Variants in EFR3A observed in about 807,000 individuals in gnomAD.
EFR3A encodes the protein protein EFR3 homolog A.
Under a neutral mutation model 104.4 loss-of-function variants are expected in EFR3A, and 76 were observed. The ratio of observed to expected loss-of-function variants is 0.73; its 90% CI spans 0.60 to 0.88. The LOEUF is 0.88. Among genes scored for constraint, EFR3A ranks in the 40% least tolerant of loss-of-function variants. The probability of loss-of-function intolerance (pLI) is 0.00; values close to 1 mark genes in which losing one functional copy is unlikely to be tolerated. For synonymous variants in EFR3A, 330 were observed against 330.0 expected (o/e 1.00, Z 0.00); for missense variants, 985 against 1,012.5 (o/e 0.97, Z 0.37).
At chr8:131,936,083 A>C (rs908992391) in intron 1 of EFR3A, among the ~76,000 whole-genome samples, 1 of 152,028 alleles carries the variant, frequency 6.6e-6, no homozygotes, top group Non-Finnish European at 1.5e-5. Context: ...TCCTTCTATG[A>C]ATGCCTCTTT....
intron 1 of EFR3A, among the ~76,000 whole-genome samples, chr8:131,927,894 GAT>G (rs1370937533): frequency 4.6e-5 from 7 of 152,120 alleles, no homozygotes; most frequent in African/African-American, 1.7e-4. Flanking sequence ...TTAAAGAACA[GAT>G]ATAGATGTGA....
intron 1 of EFR3A, among the ~76,000 whole-genome samples, chr8:131,933,576 G>C (rs569975789): frequency 6.6e-6 from 1 of 152,016 alleles, no homozygotes; most frequent in South Asian, 2.1e-4. Context: ...GGATTATTCT[G>C]TATTTTATTG....
chr8:131,950,655 G>T (rs746008354), intron 5 of EFR3A, among the ~76,000 whole-genome samples: 1 of 152,110 alleles, frequency 6.6e-6, no homozygotes, highest in African/African-American at 2.4e-5. Context: ...TTCCAGGAGC[G>T]TGAGGACTTT....
At chr8:131,940,709 A>T (rs375899011) in intron 2 of EFR3A, 134 bp downstream of exon 2, 4 of 1,361,356 alleles carry the variant, frequency 2.9e-6, no homozygotes, top group East Asian at 5.2e-5. Flanking sequence ...CTTTTTTTAT[A>T]CTTTTCTTTT....
At chr8:131,979,168 A>G (rs1820473848) in intron 13 of EFR3A, 149 bp downstream of exon 13, 2 of 1,089,216 alleles carry the variant, frequency 1.8e-6, no homozygotes, top group Admixed American at 3.0e-5. Flanking sequence ...AATTTAATCA[A>G]TATGTTTTAA....
At chr8:131,961,110 G>C (rs186427988) in intron 8 of EFR3A, among the ~76,000 whole-genome samples, 10 of 152,222 alleles carry the variant, frequency 6.6e-5, no homozygotes, top group Admixed American at 5.9e-4. Flanking sequence ...CAAAGATGGG[G>C]AAAAACAGAG....
chr8:131,916,932 A>T (rs1194892674), intron 1 of EFR3A, among the ~76,000 whole-genome samples: 2 of 152,216 alleles, frequency 1.3e-5, no homozygotes, highest in Non-Finnish European at 1.5e-5. Flanking sequence ...TCTGGCCTAA[A>T]CTGTCTTTTC....
intron 19 of EFR3A, among the ~76,000 whole-genome samples, chr8:131,998,736 A>T (rs894394328): frequency 1.3e-5 from 2 of 152,204 alleles, no homozygotes; most frequent in South Asian, 4.1e-4. Context: ...AGTTGATTTT[A>T]TACCTTTTAC....
In EFR3A at chr8:131,984,150, G is replaced by C; in HGVS notation, c.1587G>C (p.Gln529His). Residue 529 changes from glutamine to histidine, a missense_variant, in exon 15 of 23, where the codon CAG (glutamine) becomes CAC (histidine). Physicochemically the swap from Gln to His is conservative, Grantham distance 24 (BLOSUM62 0). Coordinates refer to ENST00000254624, the MANE Select transcript of EFR3A (RefSeq NM_015137.6). ...TCTTTTCTCCTCAGAATGGGCAACA[G>C]CTGTATCGGCACATATATTTGGGTT... The part of the protein sequence containing the change: ...DTSFMKKNGQ[Q>H]LYRHIYLGCK... The C allele has an allele frequency of 6.2e-7, 1 of 1,605,132 alleles. No individual in the cohort carries two copies. Among genetic ancestry groups the C allele is most frequent in the East Asian group, 2.2e-5 (1 of 44,688 alleles).
chr8:131,935,637 CTT>C (rs1412273138), intron 1 of EFR3A: 5 of 239,248 alleles, frequency 2.1e-5, no homozygotes, highest in African/African-American at 1.2e-4. Flanking sequence ...ATGAAACAAA[CTT>C]AATTCAAAGC....
intron 22 of EFR3A, 65 bp from the exon 23 acceptor site, chr8:132,010,725 A>G: frequency 6.4e-7 from 1 of 1,556,434 alleles, no homozygotes; most frequent in Non-Finnish European, 8.8e-7. Flanking sequence ...TAGTAGATAG[A>G]ATACTCGGTG....
intron 10 of EFR3A, among the ~76,000 whole-genome samples, chr8:131,975,542 G>A (rs1211971449): frequency 6.7e-6 from 1 of 150,168 alleles, no homozygotes; most frequent in Non-Finnish European, 1.5e-5. Context: ...TCAACCTCCT[G>A]AGTAGCTGGG....
At chr8:131,972,679 T>G (rs1274828000) in intron 10 of EFR3A, among the ~76,000 whole-genome samples, 2 of 152,182 alleles carry the variant, frequency 1.3e-5, no homozygotes, top group Non-Finnish European at 2.9e-5. Context: ...GCTATGATAA[T>G]TTCACAATTG....
chr8:131,928,287 C>T (rs1817404732), intron 1 of EFR3A, among the ~76,000 whole-genome samples: 1 of 152,030 alleles, frequency 6.6e-6, no homozygotes, highest in African/African-American at 2.4e-5. Flanking sequence ...TAGAAGAAAT[C>T]TCTGCTTTTC....
intron 1 of EFR3A, among the ~76,000 whole-genome samples, chr8:131,913,494 A>G (rs748958567): frequency 6.6e-6 from 1 of 151,958 alleles, no homozygotes; most frequent in African/African-American, 2.4e-5. Context: ...TTCTGAATCA[A>G]GAGTTTTCTG....
intron 22 of EFR3A, among the ~76,000 whole-genome samples, chr8:132,006,852 A>T (rs1460790540): frequency 6.6e-6 from 1 of 152,022 alleles, no homozygotes; most frequent in African/African-American, 2.4e-5. Flanking sequence ...TCAGTTTTAC[A>T]TTAGAAAATT....
chr8:131,918,651 A>G (rs1200298582), intron 1 of EFR3A, among the ~76,000 whole-genome samples: 1 of 152,162 alleles, frequency 6.6e-6, no homozygotes, highest in Admixed American at 6.5e-5. Context: ...TCTCAATTCA[A>G]ATGAAAATCT....
intron 1 of EFR3A, among the ~76,000 whole-genome samples, chr8:131,921,260 C>G (rs372246655): frequency 1.4e-4 from 22 of 152,232 alleles, no homozygotes; most frequent in African/African-American, 5.1e-4. Flanking sequence ...AGGATCTGTT[C>G]CAGGCATCTC....
intron 1 of EFR3A, among the ~76,000 whole-genome samples, chr8:131,931,958 A>G (rs1022536087): frequency 5.9e-5 from 9 of 152,044 alleles, no homozygotes; most frequent in Admixed American, 3.3e-4. Flanking sequence ...AGGATGGTCA[A>G]AGTTTATGCC....
Sources: allele counts gnomAD v4.1 joint callset (sites outside exome capture counted in the v4.1 genomes callset), GRCh38; gene constraint gnomAD v4.1.1; transcripts MANE v1.5; gene names NCBI Gene and HGNC (gene_info 2026-07-23, HGNC 2026-07-21).